SPTBN1: variants seen among roughly 807,000 people sequenced by gnomAD.
SPTBN1 encodes the protein spectrin beta chain, non-erythrocytic 1.
SPTBN1 carries 32 observed loss-of-function variants against 266.4 expected under a neutral mutation model. The observed-to-expected ratio is 0.12, with a 90% CI of 0.09 to 0.16. The LOEUF (loss-of-function observed/expected upper bound fraction) is 0.16, where lower values mean the gene tolerates loss of function less well. Ranked by LOEUF, SPTBN1 falls within the 10% of genes least tolerant of loss-of-function variation. The pLI is 1.00. For synonymous variants in SPTBN1, 1,336 were observed against 1,162.2 expected (o/e 1.15, Z -3.04); for missense variants, 2,296 against 3,067.1 (o/e 0.75, Z 5.94).
At chr2:54,624,609 T>C (rs530368021) in intron 10 of SPTBN1, among the ~76,000 whole-genome samples, 195 bp from the exon 11 acceptor site, 3 of 152,304 alleles carry the variant, frequency 2.0e-5, no homozygotes, top group African/African-American at 7.2e-5. Flanking sequence ...GGAAGAGTGT[T>C]CCCATGAGGA....
intron 12 of SPTBN1, 121 bp from the exon 13 acceptor site, chr2:54,627,976 C>G: frequency 8.5e-7 from 1 of 1,180,926 alleles, no homozygotes; most frequent in Non-Finnish European, 1.2e-6. Flanking sequence ...GGTGTGGGGT[C>G]CATGGCAGAC....
intron 2 of SPTBN1, among the ~76,000 whole-genome samples, chr2:54,541,631 A>G (rs1306204931): frequency 6.6e-6 from 1 of 152,170 alleles, no homozygotes; most frequent in African/African-American, 2.4e-5. Flanking sequence ...TTATTGTCCG[A>G]ACTGAATTTT....
At chr2:54,650,013 G>A in intron 26 of SPTBN1, 24 bp downstream of exon 26, 1 of 1,582,126 alleles carries the variant, frequency 6.3e-7, no homozygotes, top group Non-Finnish European at 8.6e-7. Context: ...CCACCCAGGG[G>A]TGCTGGGGAG....
At chr2:54,479,268 C>T (rs1174773535) in intron 1 of SPTBN1, among the ~76,000 whole-genome samples, 3 of 152,166 alleles carry the variant, frequency 2.0e-5, no homozygotes, top group Non-Finnish European at 4.4e-5. Flanking sequence ...TGACCCTTAC[C>T]AACCGCCTCC....
At chr2:54,462,865 A>G (rs1693434557) in intron 1 of SPTBN1, among the ~76,000 whole-genome samples, 1 of 152,322 alleles carries the variant, frequency 6.6e-6, no homozygotes, top group Middle Eastern at 3.4e-3. Context: ...AAAATCAGTA[A>G]TGGTACTCTT....
intron 33 of SPTBN1, among the ~76,000 whole-genome samples, chr2:54,665,549 T>C (rs1165990720): frequency 6.6e-6 from 1 of 152,192 alleles, no homozygotes; most frequent in African/African-American, 2.4e-5. Context: ...ACAGGCATGT[T>C]TTCAGACAGG....
chr2:54,466,671 C>CAGA (rs1376690844), intron 1 of SPTBN1, among the ~76,000 whole-genome samples: 2 of 148,516 alleles, frequency 1.3e-5, no homozygotes, highest in Admixed American at 1.4e-4. Context: ...AATGGAATTG[C>CAGA]AGAAGATTTC....
At chr2:54,539,883 T>C (rs1467889191) in intron 2 of SPTBN1, among the ~76,000 whole-genome samples, 1 of 152,170 alleles carries the variant, frequency 6.6e-6, no homozygotes, top group Non-Finnish European at 1.5e-5. Flanking sequence ...GAATGTTTGT[T>C]CCTCCCACTC....
intron 2 of SPTBN1, among the ~76,000 whole-genome samples, chr2:54,591,774 C>T (rs1675699968): frequency 6.6e-6 from 1 of 152,228 alleles, no homozygotes; most frequent in South Asian, 2.1e-4. Context: ...ACAATCATTT[C>T]CATCATGCAG....
chr2:54,655,976 C>T lies in SPTBN1; in HGVS notation c.6024C>T (p.Asp2008=). The change falls in exon 29 of 36, where the codon GAC becomes GAT. Residue 2008 remains aspartate, a synonymous_variant. Coordinates refer to ENST00000356805, the MANE Select transcript of SPTBN1 (RefSeq NM_003128.3). The stretch of plus-strand genomic sequence containing the variant: ...AAGAAATGATCGACAAGTGGGAAGA[C>T]CGATGGGAATGGTTAAGACTGAGTA... ...KRKEMIDKWE[D]RWEWLRLILE... 1 of 1,613,218 alleles carries T rather than the reference C, an allele frequency of 6.2e-7. No individual in the cohort carries two copies. The highest frequency in any genetic ancestry group is 1.7e-4 in the Middle Eastern group (1 of 6,058).
Position 54,628,277 on chromosome 2 carries a change from C to T in SPTBN1, c.1798+27C>T, listed in dbSNP as rs1438049052. 3.8e-6 allele frequency: 6 copies of T among 1,591,014 alleles called. No homozygotes were observed. Among genetic ancestry groups the T allele is most frequent in the East Asian group, 4.5e-5 (2 of 44,108 alleles). ...TAAGGATGGCCCATTCCAAGCATTA[C>T]CTCCGGGTCACCAGAGATTCATATT... On this transcript the variant is annotated intron_variant, in intron 13 of 35. Coordinates refer to ENST00000356805, the MANE Select transcript of SPTBN1 (RefSeq NM_003128.3). The surrounding 1 kb of genome is among the most constrained non-coding windows in gnomAD (Gnocchi z 4.3).
In SPTBN1 at chr2:54,538,948, A is replaced by C. The variant is rs193004245; in HGVS notation, c.148+12382A>C. On this transcript the variant is annotated intron_variant, in intron 2 of 35. Transcript: ENST00000356805. ...TCACTCTAAGTTTGCAGGAAACCCAAGCTCTCCCCACTGCCTCCACTCTGA... is the reference window on the plus strand; with the variant it reads ...TCACTCTAAGTTTGCAGGAAACCCACGCTCTCCCCACTGCCTCCACTCTGA... 8.8e-4 allele frequency among the ~76,000 whole-genome samples: 134 copies of C among 152,258 alleles called. 1 individual carries two copies. Among genetic ancestry groups the C allele is most frequent in the Middle Eastern group, 6.8e-3 (2 of 294 alleles).
At chr2:54,608,663 A>G (rs1020420900) in intron 3 of SPTBN1, among the ~76,000 whole-genome samples, 10 of 152,046 alleles carry the variant, frequency 6.6e-5, no homozygotes, top group African/African-American at 2.4e-4. Flanking sequence ...AACAGATAAT[A>G]GAAACCCATT....
chr2:54,575,200 A>G (rs186924512), intron 2 of SPTBN1, among the ~76,000 whole-genome samples: 3 of 152,308 alleles, frequency 2.0e-5, no homozygotes, highest in African/African-American at 4.8e-5. Context: ...GTATTTGATC[A>G]TTCTTGGAGA....
chr2:54,661,739 T>C, intron 32 of SPTBN1: 1 of 985,554 alleles, frequency 1.0e-6, no homozygotes, highest in Non-Finnish European at 1.2e-6. Context: ...TGTTTTCATA[T>C]ATATATGTGT....
chr2:54,642,753 G>C (rs1047038365), intron 18 of SPTBN1, among the ~76,000 whole-genome samples: 2 of 152,148 alleles, frequency 1.3e-5, no homozygotes, highest in Non-Finnish European at 2.9e-5. Flanking sequence ...TAGAGCTTTT[G>C]TACTTCTGGA....
In SPTBN1 at chr2:54,645,538, C is replaced by T. The variant is rs1679866560; in HGVS notation, c.4494+85C>T. 6.2e-6 allele frequency: 9 copies of T among 1,447,578 alleles called. No homozygotes were observed. Among genetic ancestry groups the T allele is most frequent in the African/African-American group, 1.4e-5 (1 of 71,056 alleles). The allele number at this position is 1,447,578 out of a possible 1,614,324, so 89.7% of individuals were successfully genotyped here. A position where few individuals can be genotyped will look rare whatever the true frequency, so the allele number is the denominator to read the frequency against. On this transcript the variant is annotated intron_variant, in intron 21 of 35. Transcript: ENST00000356805. This position sits in a 1 kb window ranked among gnomAD's most constrained non-coding sequence, Gnocchi z 4.3. The stretch of plus-strand genomic sequence containing the variant: ...CCCACATTCTCACTTCTCAGTCATC[C>T]TCACCTTGGGCCACGTTGGCAAGCT...
chr2:54,613,988 C>G (rs963038789), intron 4 of SPTBN1, among the ~76,000 whole-genome samples: 1 of 152,224 alleles, frequency 6.6e-6, no homozygotes. Flanking sequence ...ACACACAGCC[C>G]TTTTCAGGAT....
At chr2:54,604,236 G>T (rs1676688126) in intron 3 of SPTBN1, among the ~76,000 whole-genome samples, 1 of 152,018 alleles carries the variant, frequency 6.6e-6, no homozygotes, top group African/African-American at 2.4e-5. Context: ...GGGAGTACAG[G>T]GTGGAACAGG....
Sources: gnomAD v4.1 joint callset for allele counts (sites outside exome capture counted in the v4.1 genomes callset) on GRCh38, gnomAD v4.1.1 for gene constraint, Gnocchi (gnomAD v3.1) non-coding constraint, MANE v1.5 for transcripts, NCBI Gene and HGNC (gene_info 2026-07-23, HGNC 2026-07-21) for gene names.